The following RBFOX1 variants were observed in gnomAD, a reference collection of about 807,000 sequenced individuals.
RBFOX1 encodes RNA binding protein fox-1 homolog 1.
A neutral mutation model predicts 57.7 loss-of-function variants in RBFOX1; 8 were observed. The observed-to-expected ratio is 0.14, with a 90% CI of 0.08 to 0.25. The LOEUF (loss-of-function observed/expected upper bound fraction) is 0.25. RBFOX1 is among the 10% of genes least tolerant of loss of function. RBFOX1 has a pLI of 1.00. For missense variants in RBFOX1, 611 were observed against 548.5 expected (o/e 1.11, Z -1.14); for synonymous variants, 326 against 222.4 (o/e 1.47, Z -4.15).
chr16:6,604,457 T>C (rs1196957887), intron 2 of RBFOX1, among the ~76,000 whole-genome samples: 1 of 152,290 alleles, frequency 6.6e-6, no homozygotes, highest in Middle Eastern at 3.4e-3. Context: ...GCATTCTTGT[T>C]ATATAAGAAA....
At chr16:6,675,383 G>A (rs1405645381) in intron 3 of RBFOX1, among the ~76,000 whole-genome samples, 4 of 151,238 alleles carry the variant, frequency 2.6e-5, no homozygotes, top group Admixed American at 2.6e-4. Context: ...TTTTTTTCTT[G>A]GAGTTGACTG....
At chr16:6,241,576 T>A (rs1198589683) in intron 1 of RBFOX1, among the ~76,000 whole-genome samples, 1 of 152,190 alleles carries the variant, frequency 6.6e-6, no homozygotes, top group African/African-American at 2.4e-5. Context: ...CATTCCTGGC[T>A]CCTGAAATGA....
intron 2 of RBFOX1, among the ~76,000 whole-genome samples, chr16:6,433,930 C>G (rs12597495): frequency 0.037 from 5,582 of 151,298 alleles, 282 homozygotes; most frequent in East Asian, 0.13. Context: ...TCACCGTAAC[C>G]TCCACCTCCC....
At chr16:6,562,297 TG>T (rs1198861100) in intron 2 of RBFOX1, among the ~76,000 whole-genome samples, 3 of 152,236 alleles carry the variant, frequency 2.0e-5, no homozygotes, top group African/African-American at 7.2e-5. Context: ...GCACACTAAT[TG>T]TACAGAACAG....
intron 3 of RBFOX1, among the ~76,000 whole-genome samples, chr16:6,996,236 G>T (rs2153622425): frequency 6.6e-6 from 1 of 152,246 alleles, no homozygotes; most frequent in African/African-American, 2.4e-5. Flanking sequence ...GCTTAGTTTA[G>T]CCTTTGCTTT....
At chr16:6,610,638 A>G (rs893502837) in intron 2 of RBFOX1, among the ~76,000 whole-genome samples, 5 of 152,146 alleles carry the variant, frequency 3.3e-5, no homozygotes, top group African/African-American at 7.2e-5. Flanking sequence ...CCCGATCAAC[A>G]TTATCCTGAT....
chr16:5,950,634 A>G (rs1381541295), intron 4 of RBFOX1, among the ~76,000 whole-genome samples: 1 of 152,090 alleles, frequency 6.6e-6, no homozygotes, highest in African/African-American at 2.4e-5. Flanking sequence ...GCGAGTGGAA[A>G]CCTTTCGGTT....
intron 1 of RBFOX1, among the ~76,000 whole-genome samples, chr16:5,258,902 A>G (rs946439771): frequency 1.1e-4 from 17 of 152,026 alleles, no homozygotes; most frequent in African/African-American, 3.6e-4. Context: ...GGTGGCAAGA[A>G]CGAATCTCTG....
At chr16:6,107,051 G>T (rs1308096841) in intron 1 of RBFOX1, among the ~76,000 whole-genome samples, 1 of 152,200 alleles carries the variant, frequency 6.6e-6, no homozygotes, top group East Asian at 1.9e-4. Context: ...AACATAATCA[G>T]CAGCCCAGAG....
At chr16:6,916,316 C>G (rs1228528668) in intron 3 of RBFOX1, among the ~76,000 whole-genome samples, 1 of 152,068 alleles carries the variant, frequency 6.6e-6, no homozygotes, top group African/African-American at 2.4e-5. Flanking sequence ...CGTTGATGGA[C>G]AGTTGGGTTG....
chr16:5,598,936 G>A (rs925389641), exon 3 of RBFOX1: 15 of 1,532,776 alleles, frequency 9.8e-6, no homozygotes, highest in South Asian at 7.2e-5. Flanking sequence ...CTCCTCCCCG[G>A]TGCCAAGAAC....
chr16:5,651,885 G>T (rs147084684), intron 3 of RBFOX1, among the ~76,000 whole-genome samples: 204 of 152,272 alleles, frequency 1.3e-3, no homozygotes, highest in African/African-American at 4.4e-3. Flanking sequence ...TGTAATCCCA[G>T]CATTCGGAAG....
intron 3 of RBFOX1, among the ~76,000 whole-genome samples, chr16:5,622,944 C>T (rs1009444366): frequency 6.6e-6 from 1 of 152,196 alleles, no homozygotes; most frequent in African/African-American, 2.4e-5. Flanking sequence ...GTTGTATTGG[C>T]TATTACAGGT....
chr16:6,931,152 C>T (rs958383228), intron 3 of RBFOX1, among the ~76,000 whole-genome samples: 6 of 151,924 alleles, frequency 3.9e-5, no homozygotes, highest in Non-Finnish European at 7.4e-5. Flanking sequence ...ATTCAGAACA[C>T]ATTGACCTTT....
At chr16:5,690,610 G>A (rs1033567533) in intron 3 of RBFOX1, among the ~76,000 whole-genome samples, 2 of 152,136 alleles carry the variant, frequency 1.3e-5, no homozygotes, top group Admixed American at 6.5e-5. Context: ...AGGGATTTGA[G>A]GGCAAGGACT....
intron 4 of RBFOX1, among the ~76,000 whole-genome samples, chr16:7,493,238 C>T (rs912986625): frequency 1.8e-4 from 28 of 152,032 alleles, no homozygotes; most frequent in Admixed American, 1.7e-3. Flanking sequence ...CAGACTAACA[C>T]ACTCAGTCAG....
At chr16:7,111,807 C>A (rs149875460) in intron 4 of RBFOX1, among the ~76,000 whole-genome samples, 2,443 of 151,236 alleles carry the variant, frequency 0.016, 66 homozygotes, top group African/African-American at 0.057. Context: ...ATTTTTTTTC[C>A]CCCAAAGGAG....
At chr16:6,839,893 C>T (rs775793600) in intron 3 of RBFOX1, among the ~76,000 whole-genome samples, 23 of 152,158 alleles carry the variant, frequency 1.5e-4, no homozygotes, top group African/African-American at 4.1e-4. Flanking sequence ...CCCATTCTCT[C>T]GATTTCTTAA....
intron 2 of RBFOX1, among the ~76,000 whole-genome samples, chr16:5,582,593 A>G (rs2046707837): frequency 1.7e-5 from 2 of 118,184 alleles, no homozygotes; most frequent in Admixed American, 2.2e-4. Flanking sequence ...TTTGTTGCCC[A>G]GGCTGGAATG....
Sources: allele counts gnomAD v4.1 joint callset (sites outside exome capture counted in the v4.1 genomes callset), GRCh38; gene constraint gnomAD v4.1.1; transcripts MANE v1.5; gene names NCBI Gene and HGNC (gene_info 2026-07-23, HGNC 2026-07-21).